Variants in RFX8 observed in about 807,000 individuals in gnomAD.
RFX8 encodes the protein DNA-binding protein RFX8.
A neutral mutation model predicts 54.6 loss-of-function variants in RFX8; 46 were observed. The observed-to-expected ratio is 0.84, with a 90% CI of 0.67 to 1.08. The LOEUF is 1.08. Ranked by LOEUF, RFX8 falls within the 50% of genes least tolerant of loss-of-function variation. The pLI is 0.00. For synonymous variants in RFX8, 192 were observed against 209.5 expected (o/e 0.92, Z 0.72); for missense variants, 536 against 562.3 (o/e 0.95, Z 0.47).
intron 2 of RFX8, chr2:101,450,603 C>G (rs188952239): frequency 6.7e-7 from 1 of 1,485,574 alleles, no homozygotes; most frequent in South Asian, 1.2e-5. Flanking sequence ...CCTGTGATAC[C>G]TTTTTTCACC....
intron 2 of RFX8, among the ~76,000 whole-genome samples, chr2:101,460,730 T>A (rs551441784): frequency 2.0e-5 from 3 of 151,132 alleles, no homozygotes; most frequent in African/African-American, 7.3e-5. Context: ...TCATGTTGCA[T>A]CCCTCTTTCT....
intron 1 of RFX8, among the ~76,000 whole-genome samples, chr2:101,473,265 C>T (rs1690111748): frequency 6.6e-6 from 1 of 152,124 alleles, no homozygotes; most frequent in African/African-American, 2.4e-5. Flanking sequence ...TACTAAATGG[C>T]GAACTGAAGT....
At chr2:101,474,481 A>G (rs537222248) in intron 1 of RFX8, 155 bp downstream of exon 1, 2 of 348,306 alleles carry the variant, frequency 5.7e-6, no homozygotes, top group Non-Finnish European at 1.0e-5. Flanking sequence ...ACGGGAGGCC[A>G]CAGCTCCCCA....
chr2:101,410,727 A>C lies in RFX8; in HGVS notation c.719-14T>G, dbSNP rs1686076124. ...AGTTTCTTAAACCTACAAAGACACA[A>C]AATAAACAAACAAAAGATTGCATGC... On this transcript the variant is annotated splice_polypyrimidine_tract_variant and intron_variant, in intron 8 of 11. Coordinates refer to ENST00000428343, the MANE Select transcript of RFX8 (RefSeq NM_001145664.2). 7.4e-7 allele frequency: 1 copy of C among 1,360,070 alleles called. No homozygotes were observed. Among genetic ancestry groups the C allele is most frequent in the Non-Finnish European group, 1.0e-6 (1 of 976,686 alleles). 84.3% of individuals were successfully genotyped at this position (1,360,070 alleles called of 1,614,324 possible).
intron 1 of RFX8, among the ~76,000 whole-genome samples, chr2:101,469,386 C>T (rs1235741115): frequency 3.9e-5 from 6 of 151,936 alleles, no homozygotes; most frequent in Non-Finnish European, 5.9e-5. Context: ...CTCCTGTTGT[C>T]GAGCAATCCT....
intron 2 of RFX8, among the ~76,000 whole-genome samples, chr2:101,449,497 C>T (rs940973831): frequency 1.4e-3 from 219 of 152,210 alleles, no homozygotes; most frequent in African/African-American, 4.9e-3. Context: ...TTGTGACCCA[C>T]GGGGGTCAGG....
intron 6 of RFX8, 59 bp downstream of exon 6, chr2:101,417,475 G>C: frequency 6.8e-7 from 1 of 1,477,706 alleles, no homozygotes; most frequent in Non-Finnish European, 9.1e-7. Flanking sequence ...CAAAGTGCTG[G>C]GATTACAGGC....
At chr2:101,403,854 A>G (rs887542147) in intron 10 of RFX8, among the ~76,000 whole-genome samples, 1 of 152,246 alleles carries the variant, frequency 6.6e-6, no homozygotes, top group African/African-American at 2.4e-5. Context: ...GATGTATTAC[A>G]TCTTATTGCT....
intron 2 of RFX8, among the ~76,000 whole-genome samples, chr2:101,440,746 G>A (rs527998196): frequency 1.3e-5 from 2 of 152,260 alleles, no homozygotes; most frequent in Non-Finnish European, 2.9e-5. Context: ...AAGTGGAGGT[G>A]GTCTTGGAGA....
intron 2 of RFX8, among the ~76,000 whole-genome samples, chr2:101,433,400 C>A (rs1051883845): frequency 9.9e-5 from 15 of 152,282 alleles, no homozygotes; most frequent in African/African-American, 3.6e-4. Context: ...ACAGTGAAGA[C>A]ACAGACTGAG....
At chr2:101,451,774 A>G (rs1445536889) in intron 2 of RFX8, among the ~76,000 whole-genome samples, 1 of 151,888 alleles carries the variant, frequency 6.6e-6, no homozygotes, top group Non-Finnish European at 1.5e-5. Context: ...TTGTGAACAC[A>G]GAAACTTTAG....
chr2:101,421,758 T>C lies in RFX8; in HGVS notation c.203A>G (p.Glu68Gly). Residue 68 changes from glutamate (E) to glycine (G), a missense_variant, in exon 4 of 12, where the codon GAA (glutamate) becomes GGA (glycine). Glu to Gly is a moderately conservative substitution (Grantham distance 98). Coordinates refer to ENST00000428343, the MANE Select transcript of RFX8 (RefSeq NM_001145664.2). ...AATGTCTCGACAATAGTTGCAGTAT[T>C]CGTCAGCAAGGAAGGCCATCTAGGA... ...SCNMMAFLAD[E>G]YCNYCRDILR... 1.3e-6 allele frequency: 2 copies of C among 1,550,502 alleles called. No homozygotes were observed. The highest frequency in any genetic ancestry group is 8.7e-7 in the Non-Finnish European group (1 of 1,146,368).
At chr2:101,415,016 C>A (rs1441395755) in intron 6 of RFX8, 104 bp from the exon 7 acceptor site, 8 of 866,632 alleles carry the variant, frequency 9.2e-6, no homozygotes, top group Non-Finnish European at 1.5e-5. Flanking sequence ...GCACAGCTGG[C>A]TAAACTGCAA....
At chr2:101,466,087 G>A in intron 2 of RFX8, among the ~76,000 whole-genome samples, 1 of 152,182 alleles carries the variant, frequency 6.6e-6, no homozygotes, top group South Asian at 2.1e-4. Flanking sequence ...TCAATGTTTT[G>A]TAAGTAAAAT....
At chr2:101,424,859 C>T (rs1253323902) in intron 2 of RFX8, among the ~76,000 whole-genome samples, 1 of 152,112 alleles carries the variant, frequency 6.6e-6, no homozygotes, top group Non-Finnish European at 1.5e-5. Context: ...CACACCAGGG[C>T]CCGTCAGGGG....
intron 2 of RFX8, among the ~76,000 whole-genome samples, chr2:101,453,102 C>T (rs1255941090): frequency 8.4e-6 from 1 of 119,264 alleles, no homozygotes; most frequent in East Asian, 2.2e-4. Context: ...CAGAGCGAGA[C>T]TCCATCTCAA....
intron 1 of RFX8, among the ~76,000 whole-genome samples, chr2:101,469,007 TATATATATAGGTATATATATATAC>T (rs1689746235): frequency 2.2e-4 from 7 of 31,382 alleles, no homozygotes; most frequent in South Asian, 1.2e-3. Context: ...TATATACGTA[TATATATATAGGTATATATATATAC>T]GTATATATAT....
Position 101,402,476 on chromosome 2 carries a change from C to T in RFX8, c.1205G>A (p.Arg402Lys), listed in dbSNP as rs111429443. The T allele has an allele frequency of 2.9e-3, 4,433 of 1,551,402 alleles. 107 individuals carry two copies. The African/African-American group carries it at 0.052, about 18-fold the overall frequency. The change falls in exon 11 of 12, where the codon AGG becomes AAG. Residue 402 changes from arginine to lysine, a missense_variant. Arg to Lys is a conservative substitution (Grantham distance 26). Transcript: ENST00000428343. ...YPVGVSNMVLRILGFLVDTAM... is the reference protein window; with the variant it reads ...YPVGVSNMVLKILGFLVDTAM... ...AGTGTCCACCAGGAAGCCCAGGATC[C>T]TGAGGACCATGTTGCTCACACCCAC...
At chr2:101,420,571 G>T (rs1345864588) in intron 4 of RFX8, among the ~76,000 whole-genome samples, 1 of 151,926 alleles carries the variant, frequency 6.6e-6, no homozygotes, top group Admixed American at 6.6e-5. Flanking sequence ...GAAAACAAAA[G>T]AAAAGAAAAA....
Sources: allele counts gnomAD v4.1 joint callset (sites outside exome capture counted in the v4.1 genomes callset), GRCh38; gene constraint gnomAD v4.1.1; transcripts MANE v1.5; gene names NCBI Gene and HGNC (gene_info 2026-07-23, HGNC 2026-07-21).